The following RBFOX2 variants were observed in gnomAD, a reference collection of about 807,000 sequenced individuals.
RBFOX2 encodes the protein RNA binding protein fox-1 homolog 2.
A neutral mutation model predicts 49.1 loss-of-function variants in RBFOX2; 10 were observed. The ratio of observed to expected loss-of-function variants is 0.20; its 90% CI spans 0.13 to 0.35. RBFOX2 has a LOEUF of 0.35. RBFOX2 is among the 10% of genes least tolerant of loss of function. The pLI, the probability that RBFOX2 is intolerant of heterozygous loss-of-function variation, is 1.00. For missense variants in RBFOX2, 323 were observed against 486.9 expected, an observed-to-expected ratio of 0.66 and a Z score of 3.17; for synonymous variants, 183 against 187.4, an observed-to-expected ratio of 0.98 and a Z score of 0.19.
intron 1 of RBFOX2, among the ~76,000 whole-genome samples, chr22:35,874,238 G>C (rs554108004): frequency 6.6e-6 from 1 of 152,002 alleles, no homozygotes; most frequent in Non-Finnish European, 1.5e-5. Context: ...AATCAAACAC[G>C]CAACAAAGGT....
chr22:35,925,518 CA>C (rs951890965), intron 1 of RBFOX2, among the ~76,000 whole-genome samples: 44 of 151,524 alleles, frequency 2.9e-4, no homozygotes, highest in African/African-American at 5.3e-4. Flanking sequence ...ATCCTGTCTC[CA>C]AAAAAAACAC....
intron 1 of RBFOX2, among the ~76,000 whole-genome samples, chr22:35,987,830 G>A (rs912584026): frequency 2.6e-5 from 4 of 152,138 alleles, no homozygotes; most frequent in Admixed American, 1.3e-4. Context: ...TTACTGACTG[G>A]TGCATCTAAA....
At chr22:35,850,298 G>A (rs893436074) in intron 1 of RBFOX2, among the ~76,000 whole-genome samples, 5 of 150,822 alleles carry the variant, frequency 3.3e-5, no homozygotes, top group African/African-American at 1.2e-4. Context: ...TTTCTGCCAC[G>A]GAAAGGAATG....
intron 4 of RBFOX2, among the ~76,000 whole-genome samples, chr22:35,777,320 G>A (rs965897814): frequency 6.6e-6 from 1 of 152,080 alleles, no homozygotes; most frequent in Non-Finnish European, 1.5e-5. Context: ...CCTAATAGGG[G>A]AAATAAATTT....
intron 8 of RBFOX2, 96 bp downstream of exon 9, chr22:35,761,106 T>G: frequency 1.9e-6 from 2 of 1,061,120 alleles, no homozygotes; most frequent in Non-Finnish European, 2.8e-6. Flanking sequence ...GAAATTTCCA[T>G]TTCAGTTATG....
chr22:35,902,157 G>C (rs189052533), intron 1 of RBFOX2, among the ~76,000 whole-genome samples: 1 of 151,952 alleles, frequency 6.6e-6, no homozygotes, highest in African/African-American at 2.4e-5. Context: ...TACTCTCAAA[G>C]AACTTCCCTT....
chr22:35,822,891 C>A, intron 1 of RBFOX2: 1 of 390,436 alleles, frequency 2.6e-6, no homozygotes, highest in Non-Finnish European at 4.9e-6. Context: ...GTGGCACAAT[C>A]CTAGCTCACT....
At chr22:35,953,541 G>A (rs1185310993) in intron 1 of RBFOX2, among the ~76,000 whole-genome samples, 2 of 152,194 alleles carry the variant, frequency 1.3e-5, no homozygotes, top group African/African-American at 4.8e-5. Context: ...TACGGGTGAT[G>A]TATCCATTGA....
chr22:35,861,663 C>T (rs1356179081), intron 1 of RBFOX2, among the ~76,000 whole-genome samples: 2 of 152,126 alleles, frequency 1.3e-5, no homozygotes, highest in Non-Finnish European at 2.9e-5. Flanking sequence ...ATGGAGGAAC[C>T]GAAAGTCTCA....
intron 1 of RBFOX2, among the ~76,000 whole-genome samples, chr22:35,834,779 A>C (rs1360732284): frequency 6.6e-6 from 1 of 152,154 alleles, no homozygotes; most frequent in Non-Finnish European, 1.5e-5. Flanking sequence ...ATGGCAGGAG[A>C]TGAGACTAGA....
intron 1 of RBFOX2, among the ~76,000 whole-genome samples, chr22:36,014,630 C>T (rs1168408368): frequency 1.3e-5 from 2 of 151,940 alleles, no homozygotes; most frequent in Non-Finnish European, 2.9e-5. Flanking sequence ...ACACCAAACT[C>T]AAGAAAGTCA....
chr22:35,905,573 T>C (rs2049035051), intron 1 of RBFOX2, among the ~76,000 whole-genome samples: 2 of 152,234 alleles, frequency 1.3e-5, no homozygotes, highest in African/African-American at 4.8e-5. Context: ...GTTAGGATAC[T>C]CAGCCATGAA....
intron 1 of RBFOX2, among the ~76,000 whole-genome samples, chr22:35,975,131 A>C (rs907378452): frequency 1.3e-5 from 2 of 152,186 alleles, no homozygotes; most frequent in Non-Finnish European, 2.9e-5. Flanking sequence ...TACAAGCCCC[A>C]GTTTTTTATT....
intron 1 of RBFOX2, chr22:35,897,564 G>C: frequency 2.2e-6 from 2 of 910,230 alleles, no homozygotes; most frequent in Non-Finnish European, 3.7e-6. Flanking sequence ...CCACAGCAAA[G>C]ATGTACTTCA....
intron 1 of RBFOX2, among the ~76,000 whole-genome samples, chr22:35,835,061 C>A (rs1957411400): frequency 6.6e-6 from 1 of 152,032 alleles, no homozygotes; most frequent in Non-Finnish European, 1.5e-5. Flanking sequence ...ACACTGGAGC[C>A]CACTAAGAAA....
rs760351784 is a variant in RBFOX2, at chr22:35,832,021, T to C, written c.27+8171A>G. On this transcript the variant is annotated intron_variant, in intron 1 of 11. Transcript: ENST00000405409. The stretch of plus-strand genomic sequence containing the variant: ...TTTTAGGAGTTCAAGGTAATATCCC[T>C]TCATTTTTGAAATTATAAATTGCCA... Among the ~76,000 whole-genome samples the C allele has an allele frequency of 9.8e-5, 15 of 152,340 alleles. No homozygotes were observed. The South Asian group carries it at 1.0e-3, about 11-fold the overall frequency.
chr22:35,997,017 CAG>C (rs1268225905), intron 1 of RBFOX2: 2 of 152,190 alleles, frequency 1.3e-5, no homozygotes, highest in Non-Finnish European at 2.9e-5. Context: ...AAGAACTTCT[CAG>C]AGTTTGATAG....
chr22:35,773,015 A>T (rs1016094233), intron 4 of RBFOX2, among the ~76,000 whole-genome samples: 3 of 151,450 alleles, frequency 2.0e-5, no homozygotes, highest in Non-Finnish European at 2.9e-5. Context: ...AAATAAAAAA[A>T]ATATAAAACT....
chr22:35,899,322 T>C (rs1356190128), intron 1 of RBFOX2, among the ~76,000 whole-genome samples: 2 of 152,064 alleles, frequency 1.3e-5, no homozygotes, highest in Non-Finnish European at 2.9e-5. Flanking sequence ...GAAACTCCCA[T>C]GGGTGGAACC....
Sources: allele counts gnomAD v4.1 joint callset (sites outside exome capture counted in the v4.1 genomes callset), GRCh38; gene constraint gnomAD v4.1.1; transcripts MANE v1.5; gene names NCBI Gene and HGNC (gene_info 2026-07-23, HGNC 2026-07-21).